SPTBN1: variants seen among roughly 807,000 people sequenced by gnomAD.
The protein encoded by SPTBN1 is spectrin beta, non-erythrocytic 1.
SPTBN1 carries 32 observed loss-of-function variants against 266.4 expected under a neutral mutation model. The observed-to-expected ratio is 0.12, with a 90% CI of 0.09 to 0.16. The LOEUF is 0.16. Ranked by LOEUF, SPTBN1 falls within the 10% of genes least tolerant of loss-of-function variation. The probability of loss-of-function intolerance (pLI) is 1.00; values close to 1 mark genes in which losing one functional copy is unlikely to be tolerated. For synonymous variants in SPTBN1, 1,336 were observed against 1,162.2 expected (o/e 1.15, Z -3.04); for missense variants, 2,296 against 3,067.1 (o/e 0.75, Z 5.94).
chr2:54,555,045 G>T (rs543391541), intron 2 of SPTBN1, among the ~76,000 whole-genome samples: 1 of 152,104 alleles, frequency 6.6e-6, no homozygotes, highest in African/African-American at 2.4e-5. Flanking sequence ...TTTTTAGTTT[G>T]TTTGTTTTGC....
rs144016975 is a variant in SPTBN1, at chr2:54,594,398, A to G, written c.149-4694A>G. Among the ~76,000 whole-genome samples, 216 of 152,362 alleles carry G rather than the reference A, an allele frequency of 1.4e-3. 6 individuals carry two copies. In the South Asian group the frequency reaches 0.037, roughly 26 times the overall value. ...TAGCAGCTGTTTACACAATATTTACATTGTATTAGTTATGAATAATCTAGA... is the reference window on the plus strand; with the variant it reads ...TAGCAGCTGTTTACACAATATTTACGTTGTATTAGTTATGAATAATCTAGA... On this transcript the variant is annotated intron_variant, in intron 2 of 35. Coordinates refer to ENST00000356805, the MANE Select transcript of SPTBN1 (RefSeq NM_003128.3).
At chr2:54,661,204 G>C (rs536587785) in intron 32 of SPTBN1, 43 of 985,622 alleles carry the variant, frequency 4.4e-5, no homozygotes, top group Non-Finnish European at 5.1e-5. Flanking sequence ...GCCACCAGCA[G>C]GAATTGAAAA....
intron 1 of SPTBN1, chr2:54,457,190 A>G (rs1429080594): frequency 3.1e-5 from 1 of 32,360 alleles, no homozygotes; most frequent in East Asian, 1.3e-3. Context: ...CCACTCTCCC[A>G]GGGCTGGGCG....
At chr2:54,573,078 T>G (rs1255684072) in intron 2 of SPTBN1, among the ~76,000 whole-genome samples, 2 of 152,216 alleles carry the variant, frequency 1.3e-5, no homozygotes, top group African/African-American at 4.8e-5. Context: ...CTTTCTTACC[T>G]CAGTTTCCTG....
intron 1 of SPTBN1, among the ~76,000 whole-genome samples, chr2:54,493,131 G>A (rs980586272): frequency 6.7e-6 from 1 of 149,894 alleles, no homozygotes; most frequent in Non-Finnish European, 1.5e-5. Flanking sequence ...TCAGCCTGCT[G>A]CGTATCTGGG....
intron 3 of SPTBN1, among the ~76,000 whole-genome samples, chr2:54,603,540 C>T (rs1219262309): frequency 1.3e-5 from 2 of 152,164 alleles, no homozygotes; most frequent in East Asian, 3.9e-4. Context: ...TCAGCGCCTC[C>T]TTTCCCATGG....
At position 54,588,248 on chromosome 2, in the gene SPTBN1, C is replaced by T. The variant is rs1238565227; in HGVS notation, c.149-10844C>T. 7.2e-5 allele frequency among the ~76,000 whole-genome samples: 11 copies of T among 152,160 alleles called. 1 individual carries two copies. Among genetic ancestry groups the T allele is most frequent in the Non-Finnish European group, 1.6e-4 (11 of 68,044 alleles). On this transcript the variant is annotated intron_variant, in intron 2 of 35. Coordinates refer to ENST00000356805, the MANE Select transcript of SPTBN1 (RefSeq NM_003128.3). ...TAAAATGTAAAACCTGTGTGTCTCC[C>T]AGGCTACATAAAAAGAGGCTACTGG...
intron 30 of SPTBN1, 105 bp downstream of exon 30, chr2:54,658,151 T>G: frequency 7.0e-7 from 1 of 1,433,290 alleles, no homozygotes; most frequent in Non-Finnish European, 9.5e-7. Context: ...TTTTGTTTTT[T>G]GGGTTTTTTT....
chr2:54,664,627 C>A lies in SPTBN1; in HGVS notation c.6595C>A (p.Gln2199Lys). The A allele has an allele frequency of 6.2e-7, 1 of 1,614,194 alleles. No individual in the cohort carries two copies. The highest frequency in any genetic ancestry group is 1.3e-5 in the African/African-American group (1 of 75,046). The change falls in exon 33 of 36, where the codon CAG becomes AAG. Residue 2199 changes from glutamine (Q) to lysine (K), a missense_variant. Coordinates refer to ENST00000356805, the MANE Select transcript of SPTBN1 (RefSeq NM_003128.3). The surrounding 1 kb of genome is among the most constrained non-coding windows in gnomAD (Gnocchi z 5.6). ...CAGAACCCAGGAGACACCTTCGGCC[C>A]AGATGGAAGGCTTCCTCAATCGGAA... ...PARTQETPSA[Q>K]MEGFLNRKHE...
chr2:54,532,087 A>G (rs1671283848), intron 2 of SPTBN1, among the ~76,000 whole-genome samples: 1 of 152,188 alleles, frequency 6.6e-6, no homozygotes, highest in African/African-American at 2.4e-5. Context: ...CAGGCGTTCA[A>G]AACCAGCCTG....
chr2:54,487,317 A>T (rs1668452598), intron 1 of SPTBN1, among the ~76,000 whole-genome samples: 3 of 152,092 alleles, frequency 2.0e-5, no homozygotes, highest in African/African-American at 7.2e-5. Flanking sequence ...ATTAAGCAAT[A>T]TAATATTAAT....
chr2:54,620,775 A>G (rs150741658), intron 7 of SPTBN1, among the ~76,000 whole-genome samples: 2 of 152,344 alleles, frequency 1.3e-5, no homozygotes, highest in African/African-American at 2.4e-5. Flanking sequence ...AAAAAAGGGA[A>G]GGAAAGTTAT....
rs140377991 is a variant in SPTBN1 at position 54,659,198 on chromosome 2, G to A, written c.6288G>A (p.Arg2096=). 3.1e-3 allele frequency: 5,039 copies of A among 1,614,106 alleles called. 10 individuals are homozygous for A. Among genetic ancestry groups the A allele is most frequent in the Middle Eastern group, 4.5e-3 (27 of 6,062 alleles). The change falls in exon 31 of 36, where the codon AGG becomes AGA. Residue 2096 remains arginine, a synonymous_variant. Transcript: ENST00000356805. ...EVRRQQEEEE[R]KRRPPSPEPS... is the part of the protein sequence containing the mutation. ...GCAGACAGCAAGAGGAAGAGGAGAGGAAGAGGCGGCCGCCTTCTCCCGAGC... is the reference window on the plus strand; with the variant it reads ...GCAGACAGCAAGAGGAAGAGGAGAGAAAGAGGCGGCCGCCTTCTCCCGAGC...
intron 2 of SPTBN1, among the ~76,000 whole-genome samples, chr2:54,556,074 A>C (rs1672848990): frequency 6.6e-6 from 1 of 152,236 alleles, no homozygotes; most frequent in Non-Finnish European, 1.5e-5. Context: ...TGCCTTGCAC[A>C]CATTAAATAC....
intron 2 of SPTBN1, among the ~76,000 whole-genome samples, chr2:54,592,592 T>C (rs1675753051): frequency 6.6e-6 from 1 of 152,166 alleles, no homozygotes; most frequent in African/African-American, 2.4e-5. Flanking sequence ...TCCATGTTAG[T>C]CAGACTGGTC....
At chr2:54,468,105 G>C (rs975159845) in intron 1 of SPTBN1, among the ~76,000 whole-genome samples, 36 of 152,078 alleles carry the variant, frequency 2.4e-4, no homozygotes, top group African/African-American at 7.7e-4. Context: ...TCAGGAGTTT[G>C]AGACGAGCCT....
In SPTBN1 at chr2:54,621,503, A is replaced by T; in HGVS notation, c.867A>T (p.Arg289=). 1.2e-6 allele frequency: 2 copies of T among 1,613,970 alleles called. No individual in the cohort carries two copies. Among genetic ancestry groups the T allele is most frequent in the Non-Finnish European group, 1.7e-6 (2 of 1,179,840 alleles). Residue 289 remains arginine, a synonymous_variant, in exon 8 of 36, where the codon CGA becomes CGT. Coordinates refer to ENST00000356805, the MANE Select transcript of SPTBN1 (RefSeq NM_003128.3). ...AGGCCTTAGCTGTTGAAGGAAAACG[A>T]ATTGGAAAGGTGAGCTGGTGCCAAT... ...KMKALAVEGK[R]IGKVLDNAIE...
chr2:54,647,305 C>G (rs779929664), intron 24 of SPTBN1, 44 bp downstream of exon 24: 55 of 1,606,130 alleles, frequency 3.4e-5, no homozygotes, highest in Non-Finnish European at 3.9e-5. Context: ...CTCGATTCCT[C>G]TCAGTTAGGG....
At chr2:54,538,493 A>T (rs1273195551) in intron 2 of SPTBN1, among the ~76,000 whole-genome samples, 2 of 152,258 alleles carry the variant, frequency 1.3e-5, no homozygotes, top group African/African-American at 4.8e-5. Flanking sequence ...ACAAGCAATG[A>T]ATTAATATGA....
Sources: allele counts gnomAD v4.1 joint callset (sites outside exome capture counted in the v4.1 genomes callset), GRCh38; gene constraint gnomAD v4.1.1; non-coding constraint Gnocchi (gnomAD v3.1); transcripts MANE v1.5; gene names NCBI Gene and HGNC (gene_info 2026-07-23, HGNC 2026-07-21).